The following DPP6 variants were observed in gnomAD, a reference collection of about 807,000 sequenced individuals.
The protein encoded by DPP6 is dipeptidyl peptidase like 6.
A neutral mutation model predicts 122.6 loss-of-function variants in DPP6; 69 were observed. That is an observed-to-expected ratio of 0.56 (90% confidence interval 0.46 to 0.69). The LOEUF is 0.69. Ranked by LOEUF, DPP6 falls within the 30% of genes least tolerant of loss-of-function variation. The probability of loss-of-function intolerance (pLI) is 0.00; values close to 1 mark genes in which losing one functional copy is unlikely to be tolerated. For missense variants in DPP6, 928 were observed against 1,116.9 expected (o/e 0.83, Z 2.41); for synonymous variants, 418 against 433.1 (o/e 0.97, Z 0.43).
At chr7:154,126,497 C>T (rs1807896217) in intron 1 of DPP6, among the ~76,000 whole-genome samples, 1 of 151,534 alleles carries the variant, frequency 6.6e-6, no homozygotes, top group Non-Finnish European at 1.5e-5. Flanking sequence ...TTTCCTTACA[C>T]AACAAGGAGA....
intron 1 of DPP6, among the ~76,000 whole-genome samples, chr7:154,160,651 C>T (rs1342527404): frequency 6.6e-5 from 10 of 152,132 alleles, no homozygotes; most frequent in African/African-American, 2.2e-4. Context: ...GTTATAGAAG[C>T]CAGTAGCCAA....
chr7:153,773,264 C>CATGTGTGTGTGTGTGT, the DPP6 span, among the ~76,000 whole-genome samples: 1 of 132,458 alleles, frequency 7.5e-6, no homozygotes, highest in Non-Finnish European at 1.6e-5. Flanking sequence ...TCTTTTCTTT[C>CATGTGTGTGTGTGTGT]GTGTGTGTGT....
chr7:153,948,703 G>T (rs989188552), intron 1 of DPP6, among the ~76,000 whole-genome samples: 1 of 147,176 alleles, frequency 6.8e-6, no homozygotes, highest in Non-Finnish European at 1.5e-5. Context: ...TTAAACAAAG[G>T]TCCCACTTAC....
intron 7 of DPP6, among the ~76,000 whole-genome samples, chr7:154,709,187 A>G (rs747404041): frequency 5.6e-4 from 86 of 152,358 alleles, no homozygotes; most frequent in Non-Finnish European, 3.4e-4. Context: ...GAAATGAAAT[A>G]CAACAAAGTT....
At chr7:154,429,726 T>C (rs373863575) in intron 1 of DPP6, among the ~76,000 whole-genome samples, 32 of 152,286 alleles carry the variant, frequency 2.1e-4, no homozygotes, top group Admixed American at 7.8e-4. Context: ...CCAAGGCTAA[T>C]GTGGAGACCA....
Position 154,872,667 on chromosome 7 carries a change from C to T in DPP6, c.1857C>T (p.Thr619=), listed in dbSNP as rs1325217340. 2 of 1,601,130 alleles carry T rather than the reference C, an allele frequency of 1.2e-6. No individual in the cohort carries two copies. Among genetic ancestry groups the T allele is most frequent in the Admixed American group, 1.7e-5 (1 of 58,542 alleles). ...QILKPATFTD[T]THYPLLLVVD... ...TGAAGCCAGCAACCTTCACCGACACCACCCACTACCCTCTGCTCCTGGTGG... is the reference window on the plus strand; with the variant it reads ...TGAAGCCAGCAACCTTCACCGACACTACCCACTACCCTCTGCTCCTGGTGG... The change falls in exon 19 of 26, where the codon ACC becomes ACT. Residue 619 remains threonine, a synonymous_variant. Coordinates refer to ENST00000377770, the MANE Select transcript of DPP6 (RefSeq NM_130797.4).
the DPP6 span, among the ~76,000 whole-genome samples, chr7:153,804,633 G>C: frequency 6.6e-6 from 1 of 152,118 alleles, no homozygotes; most frequent in African/African-American, 2.4e-5. Flanking sequence ...ATTGGCTCAT[G>C]CCTGTAATCC....
At chr7:154,727,299 G>A (rs1842111978) in intron 7 of DPP6, among the ~76,000 whole-genome samples, 1 of 152,232 alleles carries the variant, frequency 6.6e-6, no homozygotes, top group Non-Finnish European at 1.5e-5. Context: ...GGAGGAGGAA[G>A]AGAGCACAGG....
At chr7:154,078,500 A>G (rs927603058) in intron 1 of DPP6, among the ~76,000 whole-genome samples, 3 of 152,108 alleles carry the variant, frequency 2.0e-5, no homozygotes, top group Admixed American at 6.6e-5. Context: ...ATATGGGGAG[A>G]GAGCCAGCAA....
chr7:154,297,551 G>A (rs1357704429), intron 1 of DPP6, among the ~76,000 whole-genome samples: 1 of 152,176 alleles, frequency 6.6e-6, no homozygotes, highest in Non-Finnish European at 1.5e-5. Context: ...TGAACACAAT[G>A]GATAGGAGTA....
At chr7:154,255,547 C>T (rs1802603047) in intron 1 of DPP6, among the ~76,000 whole-genome samples, 1 of 151,970 alleles carries the variant, frequency 6.6e-6, no homozygotes, top group African/African-American at 2.4e-5. Flanking sequence ...CAGGTGTTAC[C>T]CTTGAACCAG....
chr7:154,489,671 A>AC (rs1399984009), intron 3 of DPP6, among the ~76,000 whole-genome samples: 1 of 151,306 alleles, frequency 6.6e-6, no homozygotes, highest in Non-Finnish European at 1.5e-5. Context: ...CTCTCTCAAG[A>AC]CCCCTTATTC....
chr7:154,855,420 C>T (rs557561332), intron 17 of DPP6, among the ~76,000 whole-genome samples: 1 of 152,300 alleles, frequency 6.6e-6, no homozygotes, highest in Admixed American at 6.5e-5. Context: ...AGCGGGATGG[C>T]CTTCCTGTGC....
chr7:154,728,257 C>G (rs2131367507), intron 8 of DPP6, among the ~76,000 whole-genome samples: 1 of 152,274 alleles, frequency 6.6e-6, no homozygotes, highest in Non-Finnish European at 1.5e-5. Context: ...GTGTCTCTAC[C>G]CCACTCCAAG....
chr7:154,243,672 G>A (rs1004797039), intron 1 of DPP6, among the ~76,000 whole-genome samples: 2 of 151,986 alleles, frequency 1.3e-5, no homozygotes, highest in African/African-American at 2.4e-5. Flanking sequence ...GCGGGTGCCT[G>A]TAGTCCCAGC....
intron 1 of DPP6, among the ~76,000 whole-genome samples, chr7:154,322,045 A>T (rs1585933310): frequency 8.1e-6 from 1 of 123,482 alleles, no homozygotes. Context: ...CACACCCCCA[A>T]CCCCCAACCC....
At chr7:154,447,475 GA>G (rs1419587302) in intron 2 of DPP6, among the ~76,000 whole-genome samples, 4 of 151,796 alleles carry the variant, frequency 2.6e-5, no homozygotes, top group African/African-American at 4.8e-5. Flanking sequence ...ACCTTAAGAT[GA>G]AAAAAAGTAG....
intron 5 of DPP6, among the ~76,000 whole-genome samples, chr7:154,613,517 G>A (rs4960595): frequency 0.4 from 60,685 of 150,516 alleles, 13,125 homozygotes; most frequent in East Asian, 0.64. Context: ...TACTCGGGAG[G>A]CTGAGGCAGG....
the DPP6 span, among the ~76,000 whole-genome samples, chr7:153,773,943 T>C: frequency 2.7e-5 from 4 of 149,832 alleles, no homozygotes; most frequent in Non-Finnish European, 4.4e-5. Flanking sequence ...ATCAATAAAA[T>C]TGATAAACCT....
Sources: gnomAD v4.1 joint callset for allele counts (sites outside exome capture counted in the v4.1 genomes callset) on GRCh38, gnomAD v4.1.1 for gene constraint, MANE v1.5 for transcripts, NCBI Gene and HGNC (gene_info 2026-07-23, HGNC 2026-07-21) for gene names.